DOCK10: variants seen among roughly 807,000 people sequenced by gnomAD.
DOCK10 encodes dedicator of cytokinesis 10.
Under a neutral mutation model 280.1 loss-of-function variants are expected in DOCK10, and 145 were observed. That is an observed-to-expected ratio of 0.52 (90% CI 0.45 to 0.59). DOCK10 has a LOEUF of 0.59. Among genes scored for constraint, DOCK10 ranks in the 20% least tolerant of loss-of-function variants. The pLI is 0.00. For synonymous variants in DOCK10, 915 were observed against 942.2 expected (o/e 0.97, Z 0.53); for missense variants, 2,368 against 2,651.7 (o/e 0.89, Z 2.35).
intron 39 of DOCK10, 40 bp downstream of exon 39, chr2:224,804,072 G>T: frequency 1.6e-6 from 2 of 1,225,816 alleles, no homozygotes; most frequent in Non-Finnish European, 2.4e-6. Flanking sequence ...CACACACACA[G>T]CTATATATAA....
chr2:224,856,792 A>AT, intron 15 of DOCK10, 68 bp downstream of exon 15: 1 of 1,418,914 alleles, frequency 7.0e-7, no homozygotes, highest in East Asian at 2.4e-5. Context: ...ATCCTCAGGT[A>AT]TTTATGAAGT....
In DOCK10 at chr2:224,841,906, CAA is replaced by C. The variant is rs751002498; in HGVS notation, c.2569-12_2569-11del. 3.2e-6 allele frequency: 5 copies of C among 1,552,720 alleles called. No individual in the cohort carries two copies. Among genetic ancestry groups the C allele is most frequent in the African/African-American group, 2.8e-5 (2 of 72,296 alleles). ...CATTCACATGTGGATCCTACAACAG[CAA>C]AAAAAAAGTATTTATTTCTGATGAC... On this transcript the variant is annotated splice_polypyrimidine_tract_variant and intron_variant, in intron 22 of 55. Coordinates refer to ENST00000258390, the MANE Select transcript of DOCK10 (RefSeq NM_014689.3).
intron 1 of DOCK10, chr2:224,982,461 G>T (rs1049593287): frequency 2.2e-5 from 27 of 1,228,570 alleles, no homozygotes; most frequent in African/African-American, 4.7e-5. Context: ...CTACACTGCA[G>T]CTGCAGCCGG....
intron 39 of DOCK10, among the ~76,000 whole-genome samples, chr2:224,802,953 G>A (rs889383770): frequency 2.0e-5 from 3 of 152,124 alleles, no homozygotes; most frequent in Non-Finnish European, 2.9e-5. Context: ...AAGGAGATGA[G>A]ACTTTGGCTT....
chr2:224,853,022 C>T lies in DOCK10; in HGVS notation c.1989G>A (p.Lys663=), dbSNP rs376051175. 29 of 1,612,404 alleles carry T rather than the reference C, an allele frequency of 1.8e-5. No individual in the cohort carries two copies. Among genetic ancestry groups the T allele is most frequent in the Non-Finnish European group, 2.3e-5 (27 of 1,178,930 alleles). Residue 663 remains lysine (K), a synonymous_variant, in exon 17 of 56, where the codon AAG becomes AAA. Transcript: ENST00000258390. ...EVEEFVYDST[K]YCRPYRVYKN... ...TATATACTCTGTAAGGCCGACAATA[C>T]TTTGTTGAATCGTAAACAAATTCTT...
intron 15 of DOCK10, among the ~76,000 whole-genome samples, chr2:224,855,295 AT>A (rs1697050134): frequency 6.6e-6 from 1 of 152,250 alleles, no homozygotes; most frequent in African/African-American, 2.4e-5. Context: ...TTTCTGAAAA[AT>A]TTTAAATTTA....
intron 1 of DOCK10, among the ~76,000 whole-genome samples, chr2:225,021,875 A>G (rs959517405): frequency 6.6e-6 from 1 of 152,210 alleles, no homozygotes; most frequent in African/African-American, 2.4e-5. Flanking sequence ...GGCACTTGGC[A>G]GTTTAAATTT....
chr2:224,807,984 A>T lies in DOCK10; in HGVS notation c.3512T>A (p.Val1171Asp). 6.2e-7 allele frequency: 1 copy of T among 1,613,062 alleles called. No individual in the cohort carries two copies. Among genetic ancestry groups the T allele is most frequent in the East Asian group, 2.2e-5 (1 of 44,864 alleles). ...VGFALQEDQDVRHLALAVLKN... is the reference protein window; with the variant it reads ...VGFALQEDQDDRHLALAVLKN... ...TAGGACAGCTAAAGCTAAGTGTCTG[A>T]CATCTTGGTCTTCCTGCAGGGCAAA... The change falls in exon 32 of 56, where the codon GTC becomes GAC. Residue 1171 changes from valine to aspartate, a missense_variant. Around this residue, in one of 2 missense-constraint regions of DOCK10, gnomAD observed 1,159 missense variants for 1,400.8 expected, o/e 0.83. Coordinates refer to ENST00000258390, the MANE Select transcript of DOCK10 (RefSeq NM_014689.3).
At chr2:224,927,266 A>G (rs1702087205) in intron 2 of DOCK10, among the ~76,000 whole-genome samples, 1 of 152,198 alleles carries the variant, frequency 6.6e-6, no homozygotes, top group Non-Finnish European at 1.5e-5. Context: ...ATGAGAGCTC[A>G]GAGAACATGG....
rs867360856 is a variant in DOCK10 at position 224,956,070 on chromosome 2, T to C, written c.124-24402A>G. Among the ~76,000 whole-genome samples, 21 of 152,276 alleles carry C rather than the reference T, an allele frequency of 1.4e-4. No homozygotes were observed. In the South Asian group the frequency reaches 3.7e-3, roughly 27 times the overall value. ...CAGAAACGAAGTGACAAATGAAGAATATGGGTTGCAGCATCTGAAAACAAA... is the reference window on the plus strand; with the variant it reads ...CAGAAACGAAGTGACAAATGAAGAACATGGGTTGCAGCATCTGAAAACAAA... On this transcript the variant is annotated intron_variant, in intron 1 of 55. Coordinates refer to ENST00000258390, the MANE Select transcript of DOCK10 (RefSeq NM_014689.3).
intron 7 of DOCK10, among the ~76,000 whole-genome samples, chr2:224,880,196 T>C (rs1336198464): frequency 2.0e-5 from 3 of 152,198 alleles, no homozygotes; most frequent in South Asian, 2.1e-4. Context: ...TTGAGCAAAG[T>C]ATTACAATCT....
In DOCK10 at chr2:224,916,697, C is replaced by T. The variant is rs767860161; in HGVS notation, c.331G>A (p.Glu111Lys). ...EHKAENLLVK[E>K]ACKFYSSQWH... is the part of the protein sequence containing the mutation. ...AGCATTGGAAGCATCACATTTACCT[C>T]CTTAACCAGTAAATTTTCTGCCTTG... Residue 111 changes from glutamate (E) to lysine (K), a missense_variant and splice_region_variant, in exon 3 of 56, where the codon GAG (glutamate) becomes AAG (lysine). Around this residue, in one of 2 missense-constraint regions of DOCK10, gnomAD observed 1,209 missense variants for 1,250.9 expected, o/e 0.97. Transcript: ENST00000258390. 4 of 1,605,502 alleles carry T rather than the reference C, an allele frequency of 2.5e-6. No homozygotes were observed. Among genetic ancestry groups the T allele is most frequent in the Non-Finnish European group, 3.4e-6 (4 of 1,174,928 alleles).
Position 224,835,946 on chromosome 2 carries a change from G to A in DOCK10, c.2851-1683C>T, listed in dbSNP as rs867805071. Among the ~76,000 whole-genome samples, 25 of 152,150 alleles carry A rather than the reference G, an allele frequency of 1.6e-4. 1 individual carries two copies. The highest frequency in any genetic ancestry group is 2.9e-5 in the Non-Finnish European group (2 of 68,030). On this transcript the variant is annotated intron_variant, in intron 25 of 55. Transcript: ENST00000258390. ...TACCCTGGTTAAAAATAAAGGTCAC[G>A]CCAGGATGCATTTCTAATGCATCTC...
At chr2:225,029,784 G>GT (rs560904555) in intron 1 of DOCK10, among the ~76,000 whole-genome samples, 1 of 152,038 alleles carries the variant, frequency 6.6e-6, no homozygotes, top group Admixed American at 6.6e-5. Flanking sequence ...GTGATTACTA[G>GT]TTTTTTCTTC....
chr2:225,040,269 T>G (rs1481882256), intron 1 of DOCK10, among the ~76,000 whole-genome samples: 1 of 152,156 alleles, frequency 6.6e-6, no homozygotes, highest in African/African-American at 2.4e-5. Flanking sequence ...GCAAAGCACA[T>G]GCGTTCTTGC....
At chr2:224,844,689 G>T in intron 22 of DOCK10, 64 bp downstream of exon 22, 2 of 1,030,840 alleles carry the variant, frequency 1.9e-6, no homozygotes, top group Non-Finnish European at 3.0e-6. Context: ...CCTGTAAATA[G>T]GGGAATTACC....
chr2:225,024,186 C>T (rs1689857084), intron 1 of DOCK10, among the ~76,000 whole-genome samples: 1 of 152,090 alleles, frequency 6.6e-6, no homozygotes, highest in South Asian at 2.1e-4. Flanking sequence ...TAAGAGATAG[C>T]ACATCTAAAT....
chr2:225,035,852 A>G (rs887254032), intron 1 of DOCK10, among the ~76,000 whole-genome samples: 2 of 151,392 alleles, frequency 1.3e-5, no homozygotes, highest in Non-Finnish European at 2.9e-5. Flanking sequence ...GTGTCCTCAC[A>G]TGACAGAGAG....
intron 1 of DOCK10, among the ~76,000 whole-genome samples, chr2:225,036,185 C>T (rs1206708502): frequency 6.6e-6 from 1 of 152,056 alleles, no homozygotes; most frequent in Non-Finnish European, 1.5e-5. Flanking sequence ...ATTTAGATAG[C>T]AATTATTTAA....
Sources: gnomAD v4.1 joint callset for allele counts (sites outside exome capture counted in the v4.1 genomes callset) on GRCh38, gnomAD v4.1.1 for gene constraint, gnomAD v4.1.1 regional missense constraint, MANE v1.5 for transcripts, NCBI Gene and HGNC (gene_info 2026-07-23, HGNC 2026-07-21) for gene names.